Variants in ALOX15B observed in about 807,000 individuals in gnomAD.
The protein encoded by ALOX15B is arachidonate 15-lipoxygenase type B.
Under a neutral mutation model 73.8 loss-of-function variants are expected in ALOX15B, and 74 were observed. The ratio of observed to expected loss-of-function variants is 1.00; its 90% confidence interval spans 0.83 to 1.22. ALOX15B has a LOEUF of 1.22. Among genes scored for constraint, ALOX15B ranks in the 50% most tolerant of loss-of-function variants. The pLI is 0.00. For synonymous variants in ALOX15B, 353 were observed against 357.2 expected (o/e 0.99, Z 0.13); for missense variants, 896 against 859.9 (o/e 1.04, Z -0.52).
chr17:8,045,229 C>T lies in ALOX15B; in HGVS notation c.850-9C>T. 1 of 1,614,088 alleles carries T rather than the reference C, an allele frequency of 6.2e-7. No individual in the cohort carries two copies. Among genetic ancestry groups the T allele is most frequent in the Non-Finnish European group, 8.5e-7 (1 of 1,180,028 alleles). The stretch of plus-strand genomic sequence containing the variant: ...CAGGTGGCAGCCCCAGATCTCCTTT[C>T]TTCTGCAGAAGGGCTCCCTGTTCTT... On this transcript the variant is annotated splice_polypyrimidine_tract_variant and intron_variant, in intron 6 of 13. Coordinates refer to ENST00000380183, the MANE Select transcript of ALOX15B (RefSeq NM_001141.3).
In ALOX15B at chr17:8,046,704, AACAC is replaced by A. The variant is rs1976617792; in HGVS notation, c.1240_1243del (p.Thr414SerfsTer27). The A allele has an allele frequency of 6.2e-7, 1 of 1,613,900 alleles. No individual in the cohort carries two copies. The highest frequency in any genetic ancestry group is 1.3e-5 in the African/African-American group (1 of 74,920). ...GCACACCCGATACACCCTGCACATC[AACAC>A]ACTCGCCCGGGAGCTGCTTATCGTG... On this transcript the variant is annotated frameshift_variant, in exon 9 of 14. Coordinates refer to ENST00000380183, the MANE Select transcript of ALOX15B (RefSeq NM_001141.3). LOFTEE classifies it high-confidence loss of function.
At chr17:8,042,305 A>G in intron 3 of ALOX15B, 64 bp from the exon 4 acceptor site, 1 of 1,588,858 alleles carries the variant, frequency 6.3e-7, no homozygotes, top group East Asian at 2.2e-5. Context: ...CTGCCACTCC[A>G]TCTGCCCTAG....
chr17:8,041,449 C>T (rs1353823764), intron 3 of ALOX15B, among the ~76,000 whole-genome samples: 4 of 152,306 alleles, frequency 2.6e-5, no homozygotes, highest in East Asian at 3.9e-4. Flanking sequence ...GGTCTCAGAT[C>T]CATTGCAACA....
intron 13 of ALOX15B, 55 bp from the exon 14 acceptor site, chr17:8,048,331 T>G: frequency 6.4e-7 from 1 of 1,558,706 alleles, no homozygotes; most frequent in Non-Finnish European, 8.7e-7. Flanking sequence ...GGACCAGGAG[T>G]CTGGGATGCA....
chr17:8,039,668 TG>T, intron 2 of ALOX15B, 63 bp downstream of exon 2: 1 of 938,330 alleles, frequency 1.1e-6, no homozygotes, highest in Non-Finnish European at 1.5e-6. Context: ...GACTGGGGGT[TG>T]GGGAGAAGGG....
rs530532860 is a variant in ALOX15B, at chr17:8,048,271, G to A, written c.1852-115G>A. On this transcript the variant is annotated intron_variant, in intron 13 of 13. Transcript: ENST00000380183. ...GGGCTACTTCAGGTCCCACACTTGGGGGCTAGGGCCAGAGCTGGCTAAGGC... is the reference window on the plus strand; with the variant it reads ...GGGCTACTTCAGGTCCCACACTTGGAGGCTAGGGCCAGAGCTGGCTAAGGC... The A allele has an allele frequency of 6.3e-5, 82 of 1,299,044 alleles. No homozygotes were observed. The East Asian group carries it at 1.9e-3, about 31-fold the overall frequency. The allele number at this position is 1,299,044 out of a possible 1,614,324, so 80.5% of individuals were successfully genotyped here. A position where few individuals can be genotyped will look rare whatever the true frequency, so the allele number is the denominator to read the frequency against.
rs1555638513 is a variant in ALOX15B, at chr17:8,040,650, A to AGAAG, written c.449+670_449+671insGGAA. 3.5e-5 allele frequency among the ~76,000 whole-genome samples: 4 copies of AGAAG among 112,790 alleles called. No homozygotes were observed. In the South Asian group the frequency reaches 7.6e-4, roughly 21 times the overall value. 74.0% of individuals were successfully genotyped at this position (112,790 alleles called of 152,430 possible). ...AAGAAAGAAAGAAAGAAAGAAAGAAAGAAAAGAAAGAGAAAGAAACTGCTT... is the reference window on the plus strand; with the variant it reads ...AAGAAAGAAAGAAAGAAAGAAAGAAAGAAGGAAAAGAAAGAGAAAGAAACTGCTT... On this transcript the variant is annotated intron_variant, in intron 3 of 13. Transcript: ENST00000380183.
rs1385673582 is a variant in ALOX15B at position 8,039,242 on chromosome 17, C to G, written c.87C>G (p.Thr29=). ...WDKVSVSIVG[T]RGESPPLPLD... ...AAGTGTCTGTCAGCATCGTGGGGAC[C>G]CGGGGAGAGAGCCCCCCACTGCCCC... The change falls in exon 1 of 14, where the codon ACC becomes ACG. Residue 29 remains threonine, a synonymous_variant. Transcript: ENST00000380183. 1.2e-6 allele frequency: 2 copies of G among 1,605,304 alleles called. No homozygotes were observed. Among genetic ancestry groups the G allele is most frequent in the African/African-American group, 2.7e-5 (2 of 74,752 alleles).
intron 3 of ALOX15B, among the ~76,000 whole-genome samples, chr17:8,041,458 C>G (rs1420312709): frequency 1.3e-5 from 2 of 152,188 alleles, no homozygotes; most frequent in Non-Finnish European, 2.9e-5. Flanking sequence ...TCCATTGCAA[C>G]AGCATTGCCT....
intron 5 of ALOX15B, among the ~76,000 whole-genome samples, chr17:8,044,181 G>A (rs141796440): frequency 2.3e-3 from 314 of 137,450 alleles, no homozygotes; most frequent in African/African-American, 7.9e-3. Flanking sequence ...AGGAAAAGGC[G>A]GAAGCTGAGG....
chr17:8,046,105 G>A (rs903651341), intron 8 of ALOX15B, among the ~76,000 whole-genome samples: 2 of 152,202 alleles, frequency 1.3e-5, no homozygotes, highest in East Asian at 1.9e-4. Flanking sequence ...GCTTTCAGAC[G>A]GCATGGATTC....
Position 8,042,274 on chromosome 17 carries a change from T to C in ALOX15B, c.450-95T>C, listed in dbSNP as rs1424207087. 29 of 1,489,630 alleles carry C rather than the reference T, an allele frequency of 1.9e-5. No individual in the cohort carries two copies. In the East Asian group the frequency reaches 3.2e-4, roughly 16 times the overall value. 92.3% of individuals were successfully genotyped at this position (1,489,630 alleles called of 1,614,324 possible). ...CCTCTTGGCTGAAGGGGTCTGGCTG[T>C]GACCAGGCCCCCCAAGGGGACTGCC... On this transcript the variant is annotated intron_variant, in intron 3 of 13. Transcript: ENST00000380183.
chr17:8,045,709 C>T (rs1976591182), intron 8 of ALOX15B, 23 bp downstream of exon 8: 3 of 1,609,596 alleles, frequency 1.9e-6, no homozygotes, highest in Non-Finnish European at 2.5e-6. Context: ...ACAAGGTGGC[C>T]CAGCCTGTGC....
In ALOX15B at chr17:8,042,804, G is replaced by A; in HGVS notation, c.596G>A (p.Gly199Glu). The change falls in exon 5 of 14, where the codon GGG (glycine) becomes GAG (glutamate). Residue 199 changes from glycine (G) to glutamate (E), a missense_variant. Transcript: ENST00000380183. ...AGTTTTGCAGAGATGAAAATCAAGG[G>A]GTTGCTGGACCGCAAGGGGCTCTGG... ...GSAFAEMKIK[G>E]LLDRKGLWRS... 1.3e-6 allele frequency: 2 copies of A among 1,559,444 alleles called. No homozygotes were observed. Among genetic ancestry groups the A allele is most frequent in the Non-Finnish European group, 1.7e-6 (2 of 1,151,496 alleles).
At chr17:8,043,004 G>T (rs1219469163) in intron 5 of ALOX15B, 120 bp downstream of exon 5, 3 of 758,572 alleles carry the variant, frequency 4.0e-6, no homozygotes, top group Admixed American at 5.4e-5. Context: ...GTCCTTGCTA[G>T]ACCTTACTTT....
intron 3 of ALOX15B, among the ~76,000 whole-genome samples, chr17:8,040,479 A>C (rs1266558004): frequency 6.7e-6 from 1 of 149,750 alleles, no homozygotes; most frequent in Non-Finnish European, 1.5e-5. Flanking sequence ...CGGGTGGTGG[A>C]GGTTGCAGTG....
intron 5 of ALOX15B, among the ~76,000 whole-genome samples, chr17:8,044,439 A>AAG (rs1415803260): frequency 6.6e-6 from 1 of 151,796 alleles, no homozygotes; most frequent in Non-Finnish European, 1.5e-5. Context: ...AAAAAAAAAA[A>AAG]AAGGAAAGAA....
At chr17:8,044,423 CAAAAAAAA>C (rs56146478) in intron 5 of ALOX15B, among the ~76,000 whole-genome samples, 1 of 93,738 alleles carries the variant, frequency 1.1e-5, no homozygotes, top group Non-Finnish European at 2.0e-5. Flanking sequence ...CAGCCTGTCT[CAAAAAAAA>C]AAAAAAAAAA....
chr17:8,039,095 CA>C lies in ALOX15B; in HGVS notation c.-60del, dbSNP rs1003212777. On this transcript the variant is annotated 5_prime_UTR_variant, in exon 1 of 14. Coordinates refer to ENST00000380183, the MANE Select transcript of ALOX15B (RefSeq NM_001141.3). ...CCAGGGGCAATAACCAGGCGTGTCC[CA>C]GGGGGGAGCCCCGCTCTGCAGCCCT... 1.7e-5 allele frequency: 27 copies of C among 1,570,356 alleles called. No homozygotes were observed. Among genetic ancestry groups the C allele is most frequent in the Admixed American group, 3.8e-5 (2 of 52,546 alleles).
Sources: gnomAD v4.1 joint callset for allele counts (sites outside exome capture counted in the v4.1 genomes callset) on GRCh38, gnomAD v4.1.1 for gene constraint, MANE v1.5 for transcripts, NCBI Gene and HGNC (gene_info 2026-07-23, HGNC 2026-07-21) for gene names.